C8A: variants seen among roughly 807,000 people sequenced by gnomAD.
C8A encodes complement component C8 alpha chain.
In C8A, 67 loss-of-function variants were observed where a neutral mutation model predicts 65.3. The observed-to-expected ratio is 1.03, with a 90% CI of 0.84 to 1.26. The LOEUF is 1.26. Among genes scored for constraint, C8A ranks in the 50% most tolerant of loss-of-function variants. The pLI is 0.00. For synonymous variants in C8A, 290 were observed against 259.4 expected (o/e 1.12, Z -1.13); for missense variants, 781 against 723.9 (o/e 1.08, Z -0.90).
intron 2 of C8A, 120 bp from the exon 3 acceptor site, chr1:56,874,829 C>G: frequency 1.8e-6 from 2 of 1,096,848 alleles, no homozygotes; most frequent in Non-Finnish European, 2.7e-6. Context: ...GACAGCTTCA[C>G]AGGCAGGTCT....
chr1:56,861,465 T>C (rs1318955452), intron 1 of C8A, among the ~76,000 whole-genome samples: 1 of 152,026 alleles, frequency 6.6e-6, no homozygotes, highest in Non-Finnish European at 1.5e-5. Flanking sequence ...GAGAACCCAC[T>C]CACTACCACA....
chr1:56,897,534 G>A (rs1570344666), intron 7 of C8A, among the ~76,000 whole-genome samples: 1 of 152,206 alleles, frequency 6.6e-6, no homozygotes, highest in Non-Finnish European at 1.5e-5. Flanking sequence ...AGGGCAACAG[G>A]GCTCTTGGGC....
chr1:56,861,244 A>G (rs1402889073), intron 1 of C8A, among the ~76,000 whole-genome samples: 9 of 152,216 alleles, frequency 5.9e-5, no homozygotes, highest in Admixed American at 1.3e-4. Context: ...TCTATTCTAG[A>G]AAATGTATGC....
Position 56,912,434 on chromosome 1 carries a change from C to T in C8A, c.1412C>T (p.Thr471Ile). The change falls in exon 10 of 11, where the codon ACA becomes ATA. Residue 471 changes from threonine to isoleucine, a missense_variant. Coordinates refer to ENST00000361249, the MANE Select transcript of C8A (RefSeq NM_000562.3). ...MQPIHEVLRHTSLGPLEAKRQ... is the reference protein window; with the variant it reads ...MQPIHEVLRHISLGPLEAKRQ... ...CCTATCCACGAGGTGCTGCGGCACA[C>T]AAGCCTGGGGCCTCTGGAGGCCAAG... The T allele has an allele frequency of 6.2e-7, 1 of 1,614,224 alleles. No individual in the cohort carries two copies. The highest frequency in any genetic ancestry group is 1.1e-5 in the South Asian group (1 of 91,084).
At chr1:56,861,338 G>A (rs11802385) in intron 1 of C8A, among the ~76,000 whole-genome samples, 2,938 of 152,178 alleles carry the variant, frequency 0.019, 72 homozygotes, top group East Asian at 0.077. Context: ...TCAAAACATG[G>A]CAGAGAAGGT....
intron 2 of C8A, among the ~76,000 whole-genome samples, chr1:56,869,788 T>A (rs1644125750): frequency 6.6e-6 from 1 of 152,228 alleles, no homozygotes; most frequent in Admixed American, 6.5e-5. Context: ...TGTGCTTTCC[T>A]CTTCATTCTC....
At chr1:56,893,582 T>C (rs1043730088) in intron 7 of C8A, among the ~76,000 whole-genome samples, 3 of 152,162 alleles carry the variant, frequency 2.0e-5, no homozygotes, top group African/African-American at 7.2e-5. Flanking sequence ...AATAGATATG[T>C]ATTCCCTTTA....
chr1:56,859,874 C>CCTG (rs1255596826), intron 1 of C8A, among the ~76,000 whole-genome samples: 1 of 152,046 alleles, frequency 6.6e-6, no homozygotes, highest in African/African-American at 2.4e-5. Context: ...CCATCCTGAC[C>CCTG]AACATGGTGA....
At chr1:56,886,293 G>A in intron 7 of C8A, 126 bp downstream of exon 7, 1 of 1,087,600 alleles carries the variant, frequency 9.2e-7, no homozygotes. Flanking sequence ...AACTCTATAG[G>A]ATAGCATAAG....
chr1:56,881,583 T>A lies in C8A; in HGVS notation c.603T>A (p.Asp201Glu). 6.2e-7 allele frequency: 1 copy of A among 1,613,794 alleles called. No individual in the cohort carries two copies. The highest frequency in any genetic ancestry group is 8.5e-7 in the Non-Finnish European group (1 of 1,179,786). ...CCTGTGAACGTCTCTACTATGGAGA[T>A]GATGAGAAATACTTTCGGAAACCCT... ...DSTCERLYYG[D>E]DEKYFRKPYN... is the part of the protein sequence containing the mutation. The change falls in exon 5 of 11, where the codon GAT (aspartate) becomes GAA (glutamate). Residue 201 changes from aspartate to glutamate, a missense_variant. By Grantham distance (45) the Asp-to-Glu change is conservative. Coordinates refer to ENST00000361249, the MANE Select transcript of C8A (RefSeq NM_000562.3).
chr1:56,857,506 T>G (rs116729634), intron 1 of C8A, among the ~76,000 whole-genome samples: 4,105 of 152,110 alleles, frequency 0.027, 81 homozygotes, highest in Non-Finnish European at 0.039. Context: ...ATTATTTTAT[T>G]TTAACTTATA....
chr1:56,890,997 A>T (rs891810338), intron 7 of C8A, among the ~76,000 whole-genome samples: 1 of 152,204 alleles, frequency 6.6e-6, no homozygotes, highest in Non-Finnish European at 1.5e-5. Flanking sequence ...AGAATATAGT[A>T]GGGACTTAAT....
intron 5 of C8A, 36 bp downstream of exon 5, chr1:56,881,670 G>A (rs1557703904): frequency 5.7e-6 from 9 of 1,585,932 alleles, no homozygotes; most frequent in Non-Finnish European, 7.8e-6. Context: ...GGCCACTGTG[G>A]TGTAGGTGGC....
Position 56,892,496 on chromosome 1 carries a change from G to A in C8A, c.1096+6329G>A, listed in dbSNP as rs114346906. ...TTTTCATTTCAGCCGCCTTTACTGG[G>A]ACTCACAGCCTGGGAAAAATTCTGT... On this transcript the variant is annotated intron_variant, in intron 7 of 10. Coordinates refer to ENST00000361249, the MANE Select transcript of C8A (RefSeq NM_000562.3). Among the ~76,000 whole-genome samples, 1,370 of 152,016 alleles carry A rather than the reference G, an allele frequency of 9.0e-3. 20 individuals are homozygous for A. The highest frequency in any genetic ancestry group is 0.031 in the African/African-American group (1,297 of 41,474).
chr1:56,897,402 G>T (rs1277416329), intron 7 of C8A, among the ~76,000 whole-genome samples: 1 of 152,196 alleles, frequency 6.6e-6, no homozygotes, highest in African/African-American at 2.4e-5. Context: ...AGCCAGGGAT[G>T]GCAAGTGGTC....
rs556137921 is a variant in C8A, at chr1:56,879,139, C to T, written c.465-2306C>T. Among the ~76,000 whole-genome samples, 8 of 152,258 alleles carry T rather than the reference C, an allele frequency of 5.3e-5. No individual in the cohort carries two copies. The South Asian group carries it at 1.7e-3, about 32-fold the overall frequency. ...GAGTAGTTGCAACACAGCCCTGTGA[C>T]CTGCAAAGCCTAAAGCATTTACTAT... On this transcript the variant is annotated intron_variant, in intron 4 of 10. Transcript: ENST00000361249.
At chr1:56,893,554 G>A (rs12083616) in intron 7 of C8A, among the ~76,000 whole-genome samples, 1,971 of 152,220 alleles carry the variant, frequency 0.013, 36 homozygotes, top group African/African-American at 0.044. Flanking sequence ...CTAAGTGCAT[G>A]TTGCATGATA....
intron 5 of C8A, among the ~76,000 whole-genome samples, 189 bp downstream of exon 5, chr1:56,881,823 G>T (rs1390243124): frequency 6.6e-6 from 1 of 152,172 alleles, no homozygotes; most frequent in Non-Finnish European, 1.5e-5. Flanking sequence ...GATCATAAAT[G>T]TGGCTACCCA....
chr1:56,900,720 C>A (rs946179603), intron 7 of C8A, among the ~76,000 whole-genome samples: 20 of 152,262 alleles, frequency 1.3e-4, no homozygotes, highest in African/African-American at 4.6e-4. Flanking sequence ...ACTCCTAGAA[C>A]GTTTTAGAGG....
Sources: gnomAD v4.1 joint callset for allele counts (sites outside exome capture counted in the v4.1 genomes callset) on GRCh38, gnomAD v4.1.1 for gene constraint, MANE v1.5 for transcripts, NCBI Gene and HGNC (gene_info 2026-07-23, HGNC 2026-07-21) for gene names.